RPGRIP1L: variants seen among roughly 807,000 people sequenced by gnomAD.
RPGRIP1L encodes the protein protein fantom.
Under a neutral mutation model 160.4 loss-of-function variants are expected in RPGRIP1L, and 131 were observed. The observed-to-expected ratio is 0.82, with a 90% CI of 0.71 to 0.94. The LOEUF is 0.94. Ranked by LOEUF, RPGRIP1L falls within the 40% of genes least tolerant of loss-of-function variation. The pLI is 0.00. For synonymous variants in RPGRIP1L, 510 were observed against 515.8 expected, an observed-to-expected ratio of 0.99 and a Z score of 0.15; for missense variants, 1,522 against 1,535.8, an observed-to-expected ratio of 0.99 and a Z score of 0.15.
intron 22 of RPGRIP1L, among the ~76,000 whole-genome samples, chr16:53,626,950 T>C (rs958698776): frequency 6.6e-6 from 1 of 152,192 alleles, no homozygotes; most frequent in Non-Finnish European, 1.5e-5. Flanking sequence ...TGACAGCTTG[T>C]ATTGCTCTAA....
chr16:53,660,044 G>T (rs1407655339), intron 10 of RPGRIP1L, among the ~76,000 whole-genome samples: 1 of 152,110 alleles, frequency 6.6e-6, no homozygotes, highest in African/African-American at 2.4e-5. Context: ...GAATTTAGAA[G>T]ATAGCAAATT....
rs760095949 is a variant in RPGRIP1L, at chr16:53,658,446, C to T, written c.1369G>A (p.Asp457Asn). 6.2e-6 allele frequency: 10 copies of T among 1,611,068 alleles called. No homozygotes were observed. Among genetic ancestry groups the T allele is most frequent in the Non-Finnish European group, 8.5e-6 (10 of 1,177,528 alleles). Residue 457 changes from aspartate to asparagine, a missense_variant, in exon 12 of 27, where the codon GAT becomes AAT. Physicochemically the swap from Asp to Asn is conservative, Grantham distance 23. Coordinates refer to ENST00000647211, the MANE Select transcript of RPGRIP1L (RefSeq NM_015272.5). ...LYNQENDINA[D>N]ELSEALLLIK... is the part of the protein sequence containing the mutation. ...AGTAGGAGAGCTTCACTCAATTCAT[C>T]AGCATTAATATCATTCTCCTGCAAT...
intron 12 of RPGRIP1L, 33 bp downstream of exon 12, chr16:53,658,381 A>C (rs574284029): frequency 1.3e-6 from 2 of 1,519,726 alleles, no homozygotes; most frequent in African/African-American, 2.7e-5. Flanking sequence ...TTGTATGCAG[A>C]CATGAAAATC....
At chr16:53,620,885 T>C (rs1276322162) in intron 23 of RPGRIP1L, among the ~76,000 whole-genome samples, 1 of 152,244 alleles carries the variant, frequency 6.6e-6, no homozygotes, top group Non-Finnish European at 1.5e-5. Flanking sequence ...ATATATTTTA[T>C]AATTCTGCTC....
intron 22 of RPGRIP1L, among the ~76,000 whole-genome samples, chr16:53,629,222 G>C (rs1965360634): frequency 6.6e-6 from 1 of 152,128 alleles, no homozygotes; most frequent in Admixed American, 6.6e-5. Flanking sequence ...ATTTATCTAG[G>C]TGGAGCCTGG....
chr16:53,682,611 T>C (rs1043070697), intron 6 of RPGRIP1L, among the ~76,000 whole-genome samples: 2 of 152,154 alleles, frequency 1.3e-5, no homozygotes, highest in East Asian at 1.9e-4. Flanking sequence ...CTTGATAACC[T>C]TGTACTCAGT....
intron 6 of RPGRIP1L, 48 bp from the exon 7 acceptor site, chr16:53,675,170 A>C: frequency 7.9e-7 from 1 of 1,267,292 alleles, no homozygotes; most frequent in Non-Finnish European, 1.1e-6. Flanking sequence ...AAAAAACGCA[A>C]GTTAGAAGAA....
At chr16:53,631,832 C>T (rs768561386) in intron 22 of RPGRIP1L, among the ~76,000 whole-genome samples, 2 of 152,082 alleles carry the variant, frequency 1.3e-5, no homozygotes, top group African/African-American at 2.4e-5. Flanking sequence ...ATTACACTTG[C>T]GCTATGTGGC....
rs369771829 is a variant in RPGRIP1L at position 53,665,001 on chromosome 16, C to G, written c.1112G>C (p.Ser371Thr). ...NYDKLYDSAF[S>T]AAHEEQWKLK... ...CTTCCATTGCTCTTCATGGGCAGCA[C>G]TGAAGGCACTGCAAAACACACGTGA... Residue 371 changes from serine to threonine, a missense_variant, in exon 10 of 27, where the codon AGT becomes ACT. By Grantham distance (58) the Ser-to-Thr change is moderately conservative (BLOSUM62 1). Coordinates refer to ENST00000647211, the MANE Select transcript of RPGRIP1L (RefSeq NM_015272.5). The G allele has an allele frequency of 6.2e-7, 1 of 1,613,620 alleles. No homozygotes were observed. The highest frequency in any genetic ancestry group is 8.5e-7 in the Non-Finnish European group (1 of 1,179,872).
intron 8 of RPGRIP1L, 81 bp from the exon 9 acceptor site, chr16:53,671,664 A>G (rs966807817): frequency 2.8e-6 from 2 of 707,654 alleles, no homozygotes; most frequent in South Asian, 1.8e-5. Flanking sequence ...AAAAAACTCT[A>G]TATGAGAGAA....
intron 26 of RPGRIP1L, 181 bp downstream of exon 26, chr16:53,605,300 G>A (rs1160910690): frequency 6.1e-6 from 4 of 657,552 alleles, no homozygotes; most frequent in Middle Eastern, 5.7e-4. Context: ...AAGCAGGGGG[G>A]AGGACAGGAA....
chr16:53,678,324 C>A (rs1490118745), intron 6 of RPGRIP1L, among the ~76,000 whole-genome samples: 1 of 152,062 alleles, frequency 6.6e-6, no homozygotes, highest in Non-Finnish European at 1.5e-5. Context: ...AACAGTCAAG[C>A]AATAAACTCT....
chr16:53,684,486 C>T (rs1352459710), intron 6 of RPGRIP1L, among the ~76,000 whole-genome samples: 1 of 151,854 alleles, frequency 6.6e-6, no homozygotes, highest in African/African-American at 2.4e-5. Flanking sequence ...AGCAAACTAT[C>T]GCAAGGACAA....
intron 3 of RPGRIP1L, 101 bp from the exon 4 acceptor site, chr16:53,692,465 C>G: frequency 9.1e-7 from 1 of 1,095,592 alleles, no homozygotes; most frequent in Non-Finnish European, 1.4e-6. Context: ...AGTGCAGAAC[C>G]TGAATAATAA....
chr16:53,702,291 T>C (rs1971482879), intron 1 of RPGRIP1L, among the ~76,000 whole-genome samples: 1 of 152,208 alleles, frequency 6.6e-6, no homozygotes, highest in Non-Finnish European at 1.5e-5. Flanking sequence ...TGTCTGGTGA[T>C]ATTTTTGGTT....
chr16:53,687,800 A>AT (rs1364150158), intron 5 of RPGRIP1L, 63 bp downstream of exon 5: 2 of 980,072 alleles, frequency 2.0e-6, no homozygotes, highest in African/African-American at 1.6e-5. Flanking sequence ...AAAGGGAAGG[A>AT]TAAAAAAAAA....
chr16:53,640,999 G>GA (rs753092938), intron 19 of RPGRIP1L, 34 bp downstream of exon 19: 14 of 1,444,054 alleles, frequency 9.7e-6, no homozygotes, highest in South Asian at 3.4e-5. Context: ...TATTTGTTAT[G>GA]AAAAAATCAG....
At chr16:53,652,327 C>A (rs1377131127) in intron 15 of RPGRIP1L, among the ~76,000 whole-genome samples, 2 of 152,138 alleles carry the variant, frequency 1.3e-5, no homozygotes. Flanking sequence ...CCTGCCTCGG[C>A]CTCCCAAAGT....
rs1567788278 is a variant in RPGRIP1L at position 53,605,054 on chromosome 16, G to A, written c.3835+427C>T. 4.6e-5 allele frequency among the ~76,000 whole-genome samples: 7 copies of A among 151,952 alleles called. No individual in the cohort carries two copies. In the South Asian group the frequency reaches 8.3e-4, roughly 18 times the overall value. On this transcript the variant is annotated intron_variant, in intron 26 of 26. Coordinates refer to ENST00000647211, the MANE Select transcript of RPGRIP1L (RefSeq NM_015272.5). ...AAATTAGCCGGGCATGGTGATGCAC[G>A]CCTGTAGTCCCAGATACCTGGGAGG...
Sources: allele counts gnomAD v4.1 joint callset (sites outside exome capture counted in the v4.1 genomes callset), GRCh38; gene constraint gnomAD v4.1.1; transcripts MANE v1.5; gene names NCBI Gene and HGNC (gene_info 2026-07-23, HGNC 2026-07-21).